DNM3: variants seen among roughly 807,000 people sequenced by gnomAD.
DNM3 encodes the protein dynamin 3, also known as dynamin-3.
In DNM3, 47 loss-of-function variants were observed where a neutral mutation model predicts 101.6. The ratio of observed to expected loss-of-function variants is 0.46; its 90% CI spans 0.37 to 0.59. The LOEUF (loss-of-function observed/expected upper bound fraction) is 0.59. DNM3 is among the 20% of genes least tolerant of loss of function. The pLI is 0.00. For synonymous variants in DNM3, 385 were observed against 387.9 expected, an observed-to-expected ratio of 0.99 and a Z score of 0.09; for missense variants, 849 against 1,085.7, an observed-to-expected ratio of 0.78 and a Z score of 3.06.
chr1:171,954,212 T>C (rs1223136348), intron 2 of DNM3, among the ~76,000 whole-genome samples: 1 of 152,256 alleles, frequency 6.6e-6, no homozygotes, highest in African/African-American at 2.4e-5. Context: ...CTATTAGCAT[T>C]GATTTAAGAA....
intron 13 of DNM3, among the ~76,000 whole-genome samples, chr1:172,112,983 A>T (rs2055591006): frequency 6.6e-6 from 1 of 152,182 alleles, no homozygotes; most frequent in Admixed American, 6.5e-5. Flanking sequence ...CTTAACCAGT[A>T]GTTCTCATGG....
intron 14 of DNM3, among the ~76,000 whole-genome samples, chr1:172,249,777 G>T (rs2062097692): frequency 6.6e-6 from 1 of 151,680 alleles, no homozygotes; most frequent in South Asian, 2.1e-4. Flanking sequence ...ACAAAAAAAT[G>T]CTGTAAATTT....
At chr1:172,073,813 G>T (rs552943729) in intron 11 of DNM3, among the ~76,000 whole-genome samples, 1 of 152,300 alleles carries the variant, frequency 6.6e-6, no homozygotes, top group East Asian at 1.9e-4. Flanking sequence ...AAAGAGACAG[G>T]ATTCAGTTGG....
intron 1 of DNM3, among the ~76,000 whole-genome samples, chr1:171,909,091 T>C (rs1426614567): frequency 2.0e-5 from 3 of 152,204 alleles, no homozygotes; most frequent in Admixed American, 2.0e-4. Context: ...TTAAACTGGA[T>C]ACTAACAGTC....
chr1:172,082,172 C>G (rs996449721), intron 12 of DNM3, among the ~76,000 whole-genome samples: 4 of 152,170 alleles, frequency 2.6e-5, no homozygotes, highest in Admixed American at 6.5e-5. Context: ...GGATGATGTT[C>G]TGCAGTTTGT....
intron 15 of DNM3, among the ~76,000 whole-genome samples, chr1:172,303,145 A>G (rs994758293): frequency 1.3e-5 from 2 of 152,212 alleles, no homozygotes; most frequent in Non-Finnish European, 2.9e-5. Context: ...ACAAGGTTAG[A>G]CAAATGGATA....
Position 171,909,178 on chromosome 1 carries a change from C to T in DNM3, c.162-12570C>T, listed in dbSNP as rs569500928. On this transcript the variant is annotated intron_variant, in intron 1 of 20. Coordinates refer to ENST00000627582, the MANE Select transcript of DNM3 (RefSeq NM_015569.5). ...GGTGGTGGCTGGGCATTGTGGCTCA[C>T]GCCTGTAATGTCAGCACTTTGGGAG... 1.7e-3 allele frequency among the ~76,000 whole-genome samples: 251 copies of T among 152,120 alleles called. 1 individual carries two copies. The highest frequency in any genetic ancestry group is 5.2e-3 in the African/African-American group (215 of 41,514).
intron 17 of DNM3, among the ~76,000 whole-genome samples, chr1:172,359,243 G>A (rs1447151591): frequency 6.6e-6 from 1 of 151,904 alleles, no homozygotes; most frequent in Non-Finnish European, 1.5e-5. Context: ...AGGCCGCATA[G>A]ACCAGCCAGC....
chr1:172,079,847 G>C (rs911952432), intron 11 of DNM3, among the ~76,000 whole-genome samples: 1 of 152,026 alleles, frequency 6.6e-6, no homozygotes, highest in African/African-American at 2.4e-5. Flanking sequence ...GTTCCTTTCT[G>C]TTTGTTAGTT....
chr1:171,975,531 A>C (rs2044307852), intron 2 of DNM3, among the ~76,000 whole-genome samples: 1 of 152,204 alleles, frequency 6.6e-6, no homozygotes, highest in African/African-American at 2.4e-5. Context: ...AAGTTATAAG[A>C]ATCTGTGATT....
At chr1:172,003,869 C>T (rs758796634) in intron 4 of DNM3, among the ~76,000 whole-genome samples, 7 of 151,818 alleles carry the variant, frequency 4.6e-5, no homozygotes, top group Non-Finnish European at 8.8e-5. Context: ...GTATTTTGAC[C>T]AGCTGCTGTG....
chr1:172,330,034 C>T (rs1038531647), intron 17 of DNM3, among the ~76,000 whole-genome samples: 4 of 152,120 alleles, frequency 2.6e-5, no homozygotes, highest in African/African-American at 7.2e-5. Flanking sequence ...CACATGTTGC[C>T]GACTCTGCAT....
chr1:171,841,848 G>A (rs750933557), intron 1 of DNM3, 31 bp downstream of exon 1: 9 of 1,588,628 alleles, frequency 5.7e-6, no homozygotes, highest in Admixed American at 1.7e-5. Context: ...GTAAGGATGC[G>A]GCAGTGGGGC....
intron 15 of DNM3, among the ~76,000 whole-genome samples, chr1:172,293,933 G>T (rs554774855): frequency 6.6e-6 from 1 of 152,302 alleles, no homozygotes; most frequent in East Asian, 1.9e-4. Context: ...TGGAAAGTCT[G>T]TGCCCTCTGC....
At chr1:172,309,649 G>A (rs2064996751) in intron 16 of DNM3, 1 of 152,168 alleles carries the variant, frequency 6.6e-6, no homozygotes, top group Non-Finnish European at 1.5e-5. Context: ...TAACTCCTGA[G>A]GTGCCTACTT....
chr1:172,206,700 A>G (rs1474490363), intron 14 of DNM3, among the ~76,000 whole-genome samples: 1 of 152,132 alleles, frequency 6.6e-6, no homozygotes, highest in Non-Finnish European at 1.5e-5. Flanking sequence ...TAATATTATT[A>G]TGAGATAGTC....
At chr1:172,146,844 G>A (rs1572718024) in intron 14 of DNM3, among the ~76,000 whole-genome samples, 1 of 152,048 alleles carries the variant, frequency 6.6e-6, no homozygotes, top group South Asian at 2.1e-4. Context: ...CAAACAAAAG[G>A]TGGTTTTGAT....
At chr1:172,375,920 G>A (rs1391227899) in intron 17 of DNM3, among the ~76,000 whole-genome samples, 1 of 151,570 alleles carries the variant, frequency 6.6e-6, no homozygotes, top group East Asian at 1.9e-4. Context: ...TGAGTTCAGG[G>A]GTTCGAGACT....
chr1:172,347,563 A>C (rs1419082297), intron 17 of DNM3, among the ~76,000 whole-genome samples: 1 of 152,228 alleles, frequency 6.6e-6, no homozygotes. Context: ...GAATCAGATT[A>C]GATATAGCTG....
Sources: allele counts gnomAD v4.1 joint callset (sites outside exome capture counted in the v4.1 genomes callset), GRCh38; gene constraint gnomAD v4.1.1; transcripts MANE v1.5; gene names NCBI Gene and HGNC (gene_info 2026-07-23, HGNC 2026-07-21).